The following UHRF1 variants were observed in gnomAD, a reference collection of about 807,000 sequenced individuals.
The protein encoded by UHRF1 is E3 ubiquitin-protein ligase UHRF1.
In UHRF1, 9 loss-of-function variants were observed where a neutral mutation model predicts 96.5. The observed-to-expected ratio is 0.09, with a 90% CI of 0.06 to 0.16. The LOEUF (loss-of-function observed/expected upper bound fraction) is 0.16, where lower values mean the gene tolerates loss of function less well. UHRF1 is among the 10% of genes least tolerant of loss of function. The pLI is 1.00. For missense variants in UHRF1, 626 were observed against 1,131.1 expected, an observed-to-expected ratio of 0.55 and a Z score of 6.40; for synonymous variants, 455 against 469.9, an observed-to-expected ratio of 0.97 and a Z score of 0.41.
chr19:4,947,522 G>A (rs1303568871), intron 11 of UHRF1, among the ~76,000 whole-genome samples: 2 of 52,804 alleles, frequency 3.8e-5, no homozygotes, highest in Non-Finnish European at 7.5e-5. Flanking sequence ...TTTTTTTTGG[G>A]CAGAGTCTCG....
chr19:4,935,168 A>G (rs11670715), intron 5 of UHRF1, among the ~76,000 whole-genome samples: 25,170 of 151,998 alleles, frequency 0.17, 2,258 homozygotes, highest in Non-Finnish European at 0.2. Context: ...GAGTTTCACC[A>G]TGCTGCCCAG....
chr19:4,910,724 C>A, intron 1 of UHRF1, 152 bp from the exon 2 acceptor site: 1 of 811,338 alleles, frequency 1.2e-6, no homozygotes, highest in Non-Finnish European at 1.8e-6. Context: ...TGGTCCTGGC[C>A]AGGGTCTGGC....
At chr19:4,951,384 C>T (rs1328101701) in intron 13 of UHRF1, among the ~76,000 whole-genome samples, 1 of 152,172 alleles carries the variant, frequency 6.6e-6, no homozygotes, top group Non-Finnish European at 1.5e-5. Flanking sequence ...TGGGCCCTGC[C>T]TGGGCTTGTG....
At chr19:4,914,983 C>A (rs551954890) in intron 2 of UHRF1, among the ~76,000 whole-genome samples, 1 of 152,206 alleles carries the variant, frequency 6.6e-6, no homozygotes, top group Non-Finnish European at 1.5e-5. Context: ...TGGCTGGGAC[C>A]GTCCTGGGCA....
chr19:4,912,562 T>C (rs776254724), intron 2 of UHRF1, among the ~76,000 whole-genome samples: 2 of 152,160 alleles, frequency 1.3e-5, no homozygotes, highest in Non-Finnish European at 2.9e-5. Flanking sequence ...ACACCTGCCA[T>C]GTAGATTTCA....
chr19:4,959,438 C>T (rs918760791), intron 16 of UHRF1, among the ~76,000 whole-genome samples: 5 of 152,208 alleles, frequency 3.3e-5, no homozygotes, highest in Admixed American at 6.5e-5. Flanking sequence ...AGCTGTGTGA[C>T]GACATGCTGC....
At chr19:4,931,084 C>T (rs999398766) in intron 4 of UHRF1, among the ~76,000 whole-genome samples, 3 of 152,170 alleles carry the variant, frequency 2.0e-5, no homozygotes, top group Admixed American at 6.5e-5. Flanking sequence ...TGTGTCTCCG[C>T]GGAGGGTTCT....
At chr19:4,944,070 G>A in intron 7 of UHRF1, 62 bp from the exon 8 acceptor site, 4 of 1,599,308 alleles carry the variant, frequency 2.5e-6, no homozygotes, top group Admixed American at 3.4e-5. Context: ...TGGGCAGAGG[G>A]CACATGTTGG....
chr19:4,959,207 G>A (rs1359945992), intron 16 of UHRF1, among the ~76,000 whole-genome samples: 3 of 151,240 alleles, frequency 2.0e-5, no homozygotes, highest in Non-Finnish European at 4.4e-5. Context: ...GTGGGCGCCT[G>A]TAATCCCAGC....
intron 2 of UHRF1, among the ~76,000 whole-genome samples, chr19:4,916,534 A>G (rs1188606409): frequency 6.6e-6 from 1 of 152,064 alleles, no homozygotes; most frequent in East Asian, 1.9e-4. Flanking sequence ...GTGCCGCTCT[A>G]GGGTCTGTCC....
chr19:4,925,182 G>T (rs2032828998), intron 2 of UHRF1, among the ~76,000 whole-genome samples: 1 of 152,136 alleles, frequency 6.6e-6, no homozygotes, highest in Non-Finnish European at 1.5e-5. Context: ...CCCAGTTAAA[G>T]TACACAGTTG....
intron 10 of UHRF1, among the ~76,000 whole-genome samples, chr19:4,946,481 C>T (rs890784166): frequency 8.5e-5 from 13 of 152,140 alleles, no homozygotes; most frequent in South Asian, 2.1e-4. Context: ...GCTACGAACA[C>T]GGCTGTACAA....
intron 2 of UHRF1, among the ~76,000 whole-genome samples, chr19:4,915,687 G>A (rs891304180): frequency 7.9e-5 from 12 of 152,074 alleles, no homozygotes; most frequent in African/African-American, 2.9e-4. Flanking sequence ...TCCAGCCTGG[G>A]CGACAGAGCA....
chr19:4,940,016 T>C (rs922401039), intron 5 of UHRF1, among the ~76,000 whole-genome samples: 2 of 141,672 alleles, frequency 1.4e-5, no homozygotes, highest in African/African-American at 5.3e-5. Flanking sequence ...AGAGCGAGAC[T>C]GTCTCAAAAA....
intron 2 of UHRF1, among the ~76,000 whole-genome samples, chr19:4,923,643 A>C (rs1220210290): frequency 6.6e-6 from 1 of 152,202 alleles, no homozygotes; most frequent in Non-Finnish European, 1.5e-5. Context: ...GCCTTCGGAC[A>C]CATGTGAGGG....
In UHRF1 at chr19:4,911,147, C is replaced by T. The variant is rs1430354033; in HGVS notation, c.153+109C>T. 7 of 1,087,992 alleles carry T rather than the reference C, an allele frequency of 6.4e-6. No homozygotes were observed. The South Asian group carries it at 7.2e-5, about 11-fold the overall frequency. The allele number at this position is 1,087,992 out of a possible 1,614,324, so 67.4% of individuals were successfully genotyped here. ...CACCTCCCCCCCCAACAACCTCGTC[C>T]GGTCCCACTTCATCTCTCCCGGAAG... On this transcript the variant is annotated intron_variant, in intron 2 of 16. Coordinates refer to ENST00000650932, the MANE Select transcript of UHRF1 (RefSeq NM_001048201.3).
At chr19:4,957,297 GTTTTTTTTTTT>G (rs59654364) in intron 16 of UHRF1, among the ~76,000 whole-genome samples, 14 of 51,034 alleles carry the variant, frequency 2.7e-4, no homozygotes, top group Non-Finnish European at 4.6e-4. Context: ...CCAGCTGATG[GTTTTTTTTTTT>G]TTTTTTTTTT....
At position 4,912,527 on chromosome 19, in the gene UHRF1, T is replaced by C. The variant is rs145127149; in HGVS notation, c.153+1489T>C. ...CATTTTAACTTTTGCATTTCAACCA[T>C]GCAGGAATGGGAAAACACCTAGACA... On this transcript the variant is annotated intron_variant, in intron 2 of 16. Coordinates refer to ENST00000650932, the MANE Select transcript of UHRF1 (RefSeq NM_001048201.3). Among the ~76,000 whole-genome samples, 997 of 152,258 alleles carry C rather than the reference T, an allele frequency of 6.5e-3. 1 individual carries two copies. The highest frequency in any genetic ancestry group is 0.014 in the Middle Eastern group (4 of 294).
At chr19:4,942,040 A>C (rs1179191192) in intron 7 of UHRF1, 109 bp downstream of exon 7, 1 of 1,221,638 alleles carries the variant, frequency 8.2e-7, no homozygotes, top group Non-Finnish European at 1.1e-6. Context: ...TCACGCCTGC[A>C]ATCCCAGTGC....
Sources: allele counts gnomAD v4.1 joint callset (sites outside exome capture counted in the v4.1 genomes callset), GRCh38; gene constraint gnomAD v4.1.1; transcripts MANE v1.5; gene names NCBI Gene and HGNC (gene_info 2026-07-23, HGNC 2026-07-21).